The following CRELD1 variants were observed in gnomAD, a reference collection of about 807,000 sequenced individuals.
CRELD1 encodes the protein protein disulfide isomerase CRELD1.
In CRELD1, 42 loss-of-function variants were observed where a neutral mutation model predicts 58.2. The ratio of observed to expected loss-of-function variants is 0.72; its 90% CI spans 0.56 to 0.93. The LOEUF is 0.93. Among genes scored for constraint, CRELD1 ranks in the 40% least tolerant of loss-of-function variants. CRELD1 has a pLI of 0.00. For missense variants in CRELD1, 500 were observed against 540.6 expected (o/e 0.92, Z 0.74); for synonymous variants, 222 against 202.0 (o/e 1.10, Z -0.84).
At chr3:9,942,636 A>G (rs1409355443) in intron 7 of CRELD1, among the ~76,000 whole-genome samples, 177 bp from the exon 8 acceptor site, 1 of 152,234 alleles carries the variant, frequency 6.6e-6, no homozygotes, top group Non-Finnish European at 1.5e-5. Flanking sequence ...ACAGGTTGGC[A>G]AATGTGGTCT....
In CRELD1 at chr3:9,937,556, G is replaced by C. The variant is rs573320219; in HGVS notation, c.258-6G>C. The C allele has an allele frequency of 1.2e-6, 2 of 1,604,130 alleles. No homozygotes were observed. The highest frequency in any genetic ancestry group is 2.2e-5 in the East Asian group (1 of 44,696). ...GTTTCCCACCAGCCCTGCCCTGTCC[G>C]ATCAGTGAGACCCGCCTGGTAGAGG... is the stretch of plus-strand genomic sequence containing the variant. On this transcript the variant is annotated splice_region_variant and splice_polypyrimidine_tract_variant and intron_variant, in intron 3 of 10. Coordinates refer to ENST00000452070, the MANE Select transcript of CRELD1 (RefSeq NM_001077415.3).
rs1246244496 is a variant in CRELD1 at position 9,934,487 on chromosome 3, C to T, written c.49C>T (p.Leu17Phe). The T allele has an allele frequency of 3.1e-6, 5 of 1,613,800 alleles. No homozygotes were observed. The highest frequency in any genetic ancestry group is 4.2e-6 in the Non-Finnish European group (5 of 1,179,788). The change falls in exon 2 of 11, where the codon CTC becomes TTC. Residue 17 changes from leucine (L) to phenylalanine (F), a missense_variant. Leu to Phe is a conservative substitution (Grantham distance 22, BLOSUM62 0). Coordinates refer to ENST00000452070, the MANE Select transcript of CRELD1 (RefSeq NM_001077415.3). ...CCTAGTCCCAGCTATGCTCTGGGGC[C>T]TCAGCCTCTTCCTCAACCTCCCAGG... is the stretch of plus-strand genomic sequence containing the variant. The part of the protein sequence containing the change: ...KGLVPAMLWG[L>F]SLFLNLPGPI...
At chr3:9,939,052 G>C (rs2085273663) in intron 5 of CRELD1, among the ~76,000 whole-genome samples, 2 of 151,626 alleles carry the variant, frequency 1.3e-5, no homozygotes, top group Non-Finnish European at 2.9e-5. Flanking sequence ...AGGCTGAGGT[G>C]GGAGGATTGC....
chr3:9,943,977 C>A, intron 10 of CRELD1: 1 of 1,084,594 alleles, frequency 9.2e-7, no homozygotes, highest in Non-Finnish European at 1.4e-6. Context: ...CCCCACTCTA[C>A]ATATGTAAAA....
intron 3 of CRELD1, 32 bp downstream of exon 3, chr3:9,934,949 T>C (rs915994401): frequency 6.5e-7 from 1 of 1,545,176 alleles, no homozygotes; most frequent in Non-Finnish European, 8.9e-7. Context: ...GGGTGTATAT[T>C]CCCCTCCCCG....
At chr3:9,943,600 GGCC>G (rs1197147978) in intron 10 of CRELD1, 85 bp downstream of exon 10, 1 of 1,604,218 alleles carries the variant, frequency 6.2e-7, no homozygotes, top group Non-Finnish European at 8.5e-7. Context: ...GGCAGCTCCA[GGCC>G]CTGCCCCATC....
chr3:9,945,289 A>G lies in CRELD1; in HGVS notation c.*710A>G, dbSNP rs1425853332. ...TTCTCTTTCCTCAAATGGGCTTCAT[A>G]ATGCTTTCCACTCAGGCTTAACATG... On this transcript the variant is annotated 3_prime_UTR_variant, in exon 11 of 11. Coordinates refer to ENST00000452070, the MANE Select transcript of CRELD1 (RefSeq NM_001077415.3). 1 of 156,026 alleles carries G rather than the reference A, an allele frequency of 6.4e-6. No homozygotes were observed. Among genetic ancestry groups the G allele is most frequent in the Non-Finnish European group, 1.4e-5 (1 of 70,446 alleles). The allele number at this position is 156,026 out of a possible 1,614,324, so 9.7% of individuals were successfully genotyped here.
chr3:9,941,248 C>T (rs1169372221), intron 7 of CRELD1, 42 bp downstream of exon 7: 2 of 1,560,180 alleles, frequency 1.3e-6, no homozygotes, highest in Non-Finnish European at 1.8e-6. Context: ...TGGTCAGGGG[C>T]CTGGGCTTGG....
intron 10 of CRELD1, 71 bp downstream of exon 10, chr3:9,943,586 C>T: frequency 1.2e-6 from 2 of 1,608,952 alleles, no homozygotes; most frequent in Non-Finnish European, 1.7e-6. Context: ...CCCCAGGTAG[C>T]AGTGGCAGCT....
chr3:9,943,023 G>T, intron 8 of CRELD1, 54 bp from the exon 9 acceptor site: 1 of 1,578,636 alleles, frequency 6.3e-7, no homozygotes, highest in Middle Eastern at 1.7e-4. Context: ...CTGGAGCGTG[G>T]CTCCCCTGGG....
In CRELD1 at chr3:9,943,502, G is replaced by A. The variant is rs1208479320; in HGVS notation, c.1035G>A (p.Lys345=). Residue 345 remains lysine (K), a synonymous_variant, in exon 10 of 11, where the codon AAG becomes AAA. Transcript: ENST00000452070. The part of the protein sequence containing the change: ...GYKQMEGICV[K]EQIPESAGFF... ...AGCAGATGGAAGGCATCTGTGTGAAGGAGCAGATCCCAGGTGAGCCCTGGG... is the reference window on the plus strand; with the variant it reads ...AGCAGATGGAAGGCATCTGTGTGAAAGAGCAGATCCCAGGTGAGCCCTGGG... The A allele has an allele frequency of 1.6e-5, 26 of 1,613,970 alleles. No individual in the cohort carries two copies. Among genetic ancestry groups the A allele is most frequent in the Non-Finnish European group, 2.0e-5 (24 of 1,180,020 alleles).
chr3:9,940,895 G>T lies in CRELD1; in HGVS notation c.506G>T (p.Cys169Phe). ...TERPCGGYGQ[C>F]EGEGTRGGSG... ...AGGCCCTGCGGTGGCTACGGGCAGT[G>T]TGAAGGAGAAGGGACACGAGGGGGC... Residue 169 changes from cysteine to phenylalanine, a missense_variant, in exon 6 of 11, where the codon TGT (cysteine) becomes TTT (phenylalanine). Physicochemically the swap from Cys to Phe is radical, Grantham distance 205. Coordinates refer to ENST00000452070, the MANE Select transcript of CRELD1 (RefSeq NM_001077415.3). 6.2e-7 allele frequency: 1 copy of T among 1,614,116 alleles called. No homozygotes were observed. Among genetic ancestry groups the T allele is most frequent in the Non-Finnish European group, 8.5e-7 (1 of 1,180,002 alleles).
rs765041298 is a variant in CRELD1, at chr3:9,943,205, G to A, written c.913+33G>A. On this transcript the variant is annotated intron_variant, in intron 9 of 10. Transcript: ENST00000452070. ...TCCTGCTGATGGGACACAGGCACCT[G>A]GGAGTGCCTCACCCAGCATGAATGG... 1.0e-5 allele frequency: 16 copies of A among 1,590,036 alleles called. No homozygotes were observed. In the Admixed American group the frequency reaches 2.7e-4, roughly 27 times the overall value.
chr3:9,934,281 C>A, intron 1 of CRELD1, 139 bp from the exon 2 acceptor site: 1 of 684,614 alleles, frequency 1.5e-6, no homozygotes, highest in South Asian at 1.6e-5. Context: ...ATCCCCACAG[C>A]CCCTGCAATA....
intron 5 of CRELD1, among the ~76,000 whole-genome samples, chr3:9,940,607 A>G (rs1296624969): frequency 6.6e-6 from 1 of 150,550 alleles, no homozygotes; most frequent in East Asian, 2.0e-4. Flanking sequence ...CAGTGAGCCG[A>G]GATGGCAGCA....
intron 4 of CRELD1, 54 bp from the exon 5 acceptor site, chr3:9,937,961 T>C (rs1406095914): frequency 7.0e-6 from 9 of 1,278,980 alleles, no homozygotes; most frequent in Non-Finnish European, 1.0e-5. Context: ...ACAGCACTTA[T>C]GACACTATCT....
Position 9,943,141 on chromosome 3 carries a change from TG to T in CRELD1, c.884del (p.Gly295AlafsTer50). Reference protein sequence around the residue: ...GPGRCKKCSPGYQQVGSKCLD... With the variant: ...GPGRCKKCSPXYQQVGSKCLD... ...CAGGTCGCTGTAAGAAGTGTAGCCC[TG>T]GCTATCAGCAGGTGGGCTCCAAGTG... On this transcript the variant is annotated frameshift_variant, in exon 9 of 11. Transcript: ENST00000452070. LOFTEE classifies it high-confidence loss of function. 1 of 1,613,418 alleles carries T rather than the reference TG, an allele frequency of 6.2e-7. No individual in the cohort carries two copies.
At position 9,944,836 on chromosome 3, in the gene CRELD1, G is replaced by GTTT. The variant is rs1173302670; in HGVS notation, c.*260_*262dup. 4 of 530,106 alleles carry GTTT rather than the reference G, an allele frequency of 7.5e-6. No individual in the cohort carries two copies. 32.8% of individuals were successfully genotyped at this position (530,106 alleles called of 1,614,324 possible). On this transcript the variant is annotated 3_prime_UTR_variant, in exon 11 of 11. Coordinates refer to ENST00000452070, the MANE Select transcript of CRELD1 (RefSeq NM_001077415.3). Reference sequence around the variant, plus strand: ...GCTTCACAATGTGTGAATTTCAAAAGTTTTTCCTTAATGGTGGCTGCTAGA... The same window carrying GTTT: ...GCTTCACAATGTGTGAATTTCAAAAGTTTTTTTTCCTTAATGGTGGCTGCTAGA...
At chr3:9,934,149 C>A in intron 1 of CRELD1, 1 of 503,564 alleles carries the variant, frequency 2.0e-6, no homozygotes. Context: ...ATCAGACCCT[C>A]AGACAAGAGG....
Sources: gnomAD v4.1 joint callset for allele counts (sites outside exome capture counted in the v4.1 genomes callset) on GRCh38, gnomAD v4.1.1 for gene constraint, MANE v1.5 for transcripts, NCBI Gene and HGNC (gene_info 2026-07-23, HGNC 2026-07-21) for gene names.